PCDH7: variants seen among roughly 807,000 people sequenced by gnomAD.
The protein encoded by PCDH7 is protocadherin 7.
A neutral mutation model predicts 58.9 loss-of-function variants in PCDH7; 17 were observed. That is an observed-to-expected ratio of 0.29 (90% CI 0.20 to 0.43). The LOEUF (loss-of-function observed/expected upper bound fraction) is 0.43. Ranked by LOEUF, PCDH7 falls within the 20% of genes least tolerant of loss-of-function variation. The probability of loss-of-function intolerance (pLI) is 1.00; values close to 1 mark genes in which losing one functional copy is unlikely to be tolerated. For synonymous variants in PCDH7, 664 were observed against 616.4 expected, an observed-to-expected ratio of 1.08 and a Z score of -1.14; for missense variants, 1,274 against 1,441.0, an observed-to-expected ratio of 0.88 and a Z score of 1.88.
chr4:30,755,660 A>G (rs991837431), intron 1 of PCDH7, among the ~76,000 whole-genome samples: 4 of 152,162 alleles, frequency 2.6e-5, no homozygotes, highest in African/African-American at 9.7e-5. Context: ...TTTGTTGCTC[A>G]GGAATACCTG....
downstream of PCDH7, chr4:31,146,362 T>C (rs545355027): frequency 2.6e-5 from 4 of 151,216 alleles, no homozygotes; most frequent in African/African-American, 9.8e-5. Context: ...AATAAATAAA[T>C]AAATAAATAA....
intron 3 of PCDH7, among the ~76,000 whole-genome samples, chr4:30,965,006 A>G (rs1748871755): frequency 6.6e-6 from 1 of 152,178 alleles, no homozygotes. Context: ...TTTTTCACAC[A>G]AAGCACTTAT....
Position 31,102,673 on chromosome 4 carries a change from C to CA in PCDH7, c.*8-39784dup, listed in dbSNP as rs765391662. ...GGGTGACAAGAGCAAAACTCCATCT[C>CA]AAAAAAAAAAAAAAAATCTTATGAA... On this transcript the variant is annotated intron_variant, in intron 3 of 3. Transcript: ENST00000509759. Among the ~76,000 whole-genome samples the CA allele has an allele frequency of 4.9e-3, 466 of 96,064 alleles. 2 individuals carry two copies. Among genetic ancestry groups the CA allele is most frequent in the African/African-American group, 0.01 (262 of 25,944 alleles). The allele number at this position is 96,064 out of a possible 152,430, so 63.0% of individuals were successfully genotyped here.
At chr4:31,064,339 T>C (rs1355240491) in intron 3 of PCDH7, among the ~76,000 whole-genome samples, 6 of 151,986 alleles carry the variant, frequency 3.9e-5, no homozygotes, top group Admixed American at 1.3e-4. Context: ...CCATGCGTTG[T>C]CATTGTGTTC....
At chr4:30,985,165 C>T (rs1391091381) in intron 3 of PCDH7, among the ~76,000 whole-genome samples, 1 of 152,078 alleles carries the variant, frequency 6.6e-6, no homozygotes, top group Non-Finnish European at 1.5e-5. Flanking sequence ...CCATGTTGGC[C>T]AGGCTGGTCT....
chr4:31,060,929 TC>T (rs376054796), intron 3 of PCDH7, among the ~76,000 whole-genome samples: 25 of 151,884 alleles, frequency 1.6e-4, no homozygotes, highest in Middle Eastern at 3.4e-3. Context: ...GGGAAAGTTT[TC>T]ATTATTCTCA....
At chr4:31,137,271 T>A (rs1173717525) in intron 3 of PCDH7, among the ~76,000 whole-genome samples, 1 of 152,230 alleles carries the variant, frequency 6.6e-6, no homozygotes, top group Non-Finnish European at 1.5e-5. Context: ...TGTTGTTTTG[T>A]TATTTTGTCT....
chr4:30,792,633 T>C (rs1323172239), intron 1 of PCDH7, among the ~76,000 whole-genome samples: 2 of 152,162 alleles, frequency 1.3e-5, no homozygotes, highest in African/African-American at 2.4e-5. Flanking sequence ...TTTTAAGAGA[T>C]TGGAGCTCTG....
intron 1 of PCDH7, among the ~76,000 whole-genome samples, chr4:30,727,209 A>C (rs1426901921): frequency 6.6e-6 from 1 of 151,890 alleles, no homozygotes; most frequent in African/African-American, 2.4e-5. Context: ...GCCTTATTGC[A>C]GTTATTTATT....
intron 1 of PCDH7, among the ~76,000 whole-genome samples, chr4:30,748,970 A>G (rs375933827): frequency 1.3e-5 from 2 of 152,252 alleles, no homozygotes; most frequent in South Asian, 2.1e-4. Context: ...TCTTACAACT[A>G]TGTCATATGA....
chr4:31,112,333 C>T (rs898191055), intron 3 of PCDH7, among the ~76,000 whole-genome samples: 2 of 152,148 alleles, frequency 1.3e-5, no homozygotes, highest in Non-Finnish European at 2.9e-5. Flanking sequence ...AGAGCTGTGT[C>T]TTAAAATGTT....
chr4:30,757,444 G>C (rs933656459), intron 1 of PCDH7, among the ~76,000 whole-genome samples: 1 of 152,120 alleles, frequency 6.6e-6, no homozygotes, highest in Non-Finnish European at 1.5e-5. Context: ...GACTTTCCTC[G>C]CAGGCACTCT....
At chr4:30,903,793 G>A (rs2109397206) in intron 1 of PCDH7, among the ~76,000 whole-genome samples, 1 of 152,106 alleles carries the variant, frequency 6.6e-6, no homozygotes, top group South Asian at 2.1e-4. Context: ...AATTTGCAGT[G>A]TTTATGCCTT....
At chr4:31,077,895 A>G (rs895149917) in intron 3 of PCDH7, among the ~76,000 whole-genome samples, 7 of 152,172 alleles carry the variant, frequency 4.6e-5, no homozygotes, top group Admixed American at 3.9e-4. Flanking sequence ...GGAGATATTA[A>G]CAAGCTGTTT....
chr4:30,968,412 A>C (rs1749244397), intron 3 of PCDH7, among the ~76,000 whole-genome samples: 1 of 38,636 alleles, frequency 2.6e-5, no homozygotes, highest in Non-Finnish European at 4.8e-5. Flanking sequence ...ATATATATAT[A>C]TATGGGATAT....
intron 1 of PCDH7, among the ~76,000 whole-genome samples, chr4:30,874,080 C>T (rs61130698): frequency 0.014 from 2,188 of 152,138 alleles, 52 homozygotes; most frequent in African/African-American, 0.049. Flanking sequence ...AATAGGAACA[C>T]TTTTACACTG....
chr4:31,056,431 AAAGAAAGAAG>A (rs1235467622), intron 3 of PCDH7, among the ~76,000 whole-genome samples: 22 of 98,986 alleles, frequency 2.2e-4, no homozygotes, highest in African/African-American at 1.3e-3. Context: ...AAGGAAAGAA[AAAGAAAGAAG>A]GAAAGAAAGA....
intron 1 of PCDH7, 113 bp downstream of exon 1, chr4:30,724,709 C>G: frequency 6.9e-7 from 1 of 1,454,698 alleles, no homozygotes; most frequent in Non-Finnish European, 9.1e-7. Flanking sequence ...AAAATTTTAA[C>G]AGTAGGAATT....
chr4:30,870,979 G>C (rs139991818), intron 1 of PCDH7, among the ~76,000 whole-genome samples: 31 of 152,170 alleles, frequency 2.0e-4, no homozygotes, highest in African/African-American at 7.5e-4. Context: ...ATGTTCTCTT[G>C]TCATTTATTT....
Sources: allele counts gnomAD v4.1 joint callset (sites outside exome capture counted in the v4.1 genomes callset), GRCh38; gene constraint gnomAD v4.1.1; transcripts MANE v1.5; gene names NCBI Gene and HGNC (gene_info 2026-07-23, HGNC 2026-07-21).